The following CNTNAP3 variants were observed in gnomAD, a reference collection of about 807,000 sequenced individuals.
CNTNAP3 encodes contactin-associated protein-like 3.
A neutral mutation model predicts 92.1 loss-of-function variants in CNTNAP3; 36 were observed. The observed-to-expected ratio is 0.39, with a 90% CI of 0.30 to 0.52. The LOEUF is 0.52. CNTNAP3 is among the 20% of genes least tolerant of loss of function. The pLI is 0.76. For missense variants in CNTNAP3, 534 were observed against 1,069.6 expected (o/e 0.50, Z 6.98); for synonymous variants, 232 against 422.3 (o/e 0.55, Z 5.53).
chr9:39,088,104 T>C (rs922059339), intron 19 of CNTNAP3, among the ~76,000 whole-genome samples: 1 of 152,128 alleles, frequency 6.6e-6, no homozygotes, highest in African/African-American at 2.4e-5. Context: ...TATCTAGATA[T>C]CTTATTTCAA....
rs1439985524 is a variant in CNTNAP3 at position 39,065,790 on chromosome 9, T to A, written c.*8100A>T. Among the ~76,000 whole-genome samples, 2 of 152,326 alleles carry A rather than the reference T, an allele frequency of 1.3e-5. No homozygotes were observed. Among genetic ancestry groups the A allele is most frequent in the East Asian group, 3.9e-4 (2 of 5,192 alleles). ...TTTTCGTCATTTTTTCTTATATTCA[T>A]TATTTTCATTTTATTTTTGCTAATT... On this transcript the variant is annotated 3_prime_UTR_variant, in exon 24 of 24. Transcript: ENST00000297668.
At chr9:39,074,976 G>C (rs1214816503) in intron 23 of CNTNAP3, among the ~76,000 whole-genome samples, 1 of 152,220 alleles carries the variant, frequency 6.6e-6, no homozygotes, top group Non-Finnish European at 1.5e-5. Context: ...CACCGTGTTA[G>C]CTAGGATGGT....
At chr9:39,099,163 CCAGGCTGGT>C (rs1826393426) in intron 18 of CNTNAP3, among the ~76,000 whole-genome samples, 1 of 152,020 alleles carries the variant, frequency 6.6e-6, no homozygotes, top group Admixed American at 6.6e-5. Context: ...ACCATGTTGG[CCAGGCTGGT>C]CTTGAATTCC....
chr9:39,148,921 T>A (rs941671064), intron 10 of CNTNAP3, among the ~76,000 whole-genome samples: 2 of 152,178 alleles, frequency 1.3e-5, no homozygotes, highest in African/African-American at 4.8e-5. Flanking sequence ...AGAAATATTA[T>A]TTTTCCAGGT....
rs1822209280 is a variant in CNTNAP3 at position 39,168,281 on chromosome 9, T to A, written c.1334-2205A>T. On this transcript the variant is annotated intron_variant, in intron 8 of 23. Transcript: ENST00000297668. ...ATCTGCATGCCTTGGCCTCCCAAAC[T>A]GCTGGGATTACAGGCGTGAGCCACC... Among the ~76,000 whole-genome samples the A allele has an allele frequency of 1.3e-5, 2 of 150,484 alleles. 1 individual carries two copies. The highest frequency in any genetic ancestry group is 3.0e-5 in the Non-Finnish European group (2 of 67,210).
At chr9:39,104,775 G>A (rs1302356965) in intron 15 of CNTNAP3, among the ~76,000 whole-genome samples, 1 of 152,006 alleles carries the variant, frequency 6.6e-6, no homozygotes, top group Non-Finnish European at 1.5e-5. Context: ...GATTCATGTT[G>A]TGCATTTTTG....
Position 39,069,098 on chromosome 9 carries a change from T to G in CNTNAP3, c.*4792A>C, listed in dbSNP as rs1395859659. The stretch of plus-strand genomic sequence containing the variant: ...AACAAGAAGTAAATTTAGCTATCAA[T>G]TATGTTTACTCACTGCAGATTAAGA... On this transcript the variant is annotated 3_prime_UTR_variant, in exon 24 of 24. Transcript: ENST00000297668. Among the ~76,000 whole-genome samples the G allele has an allele frequency of 1.3e-5, 2 of 152,240 alleles. No individual in the cohort carries two copies. The highest frequency in any genetic ancestry group is 2.9e-5 in the Non-Finnish European group (2 of 68,038).
At position 39,118,104 on chromosome 9, in the gene CNTNAP3, A is replaced by C. The variant is rs1383037695; in HGVS notation, c.2236T>G (p.Trp746Gly). The C allele has an allele frequency of 6.2e-7, 1 of 1,604,394 alleles. No individual in the cohort carries two copies. Residue 746 changes from tryptophan to glycine, a missense_variant and splice_region_variant, in exon 14 of 24, where the codon TGG becomes GGG. Physicochemically the swap from Trp to Gly is radical, Grantham distance 184. Transcript: ENST00000297668. ...YCNCDAGRNE[W>G]TSDTIVLSQK... The stretch of plus-strand genomic sequence containing the variant: ...GCAGGGAAATCATGTGGAAATCACC[A>C]TTCATTCCGGCCAGCATCACAGTTG...
At chr9:39,179,272 A>ATT (rs1479053923) in intron 4 of CNTNAP3, among the ~76,000 whole-genome samples, 1 of 68,212 alleles carries the variant, frequency 1.5e-5, no homozygotes, top group African/African-American at 6.8e-5. Flanking sequence ...ATTCCTTAAA[A>ATT]CTCTCTCTCT....
chr9:39,135,184 T>C (rs2872989), intron 12 of CNTNAP3, among the ~76,000 whole-genome samples: 2 of 152,234 alleles, frequency 1.3e-5, no homozygotes, highest in Non-Finnish European at 2.9e-5. Context: ...TGTGGTTTCC[T>C]TAATTGCTCA....
At chr9:39,085,000 A>G (rs1231576820) in intron 21 of CNTNAP3, 1 of 147,290 alleles carries the variant, frequency 6.8e-6, no homozygotes, top group African/African-American at 2.5e-5. Context: ...GAAGGAAACA[A>G]AGATGTATAT....
chr9:39,130,561 G>A (rs996271229), intron 13 of CNTNAP3, among the ~76,000 whole-genome samples: 3 of 144,970 alleles, frequency 2.1e-5, no homozygotes, highest in Non-Finnish European at 3.0e-5. Context: ...CTGGAGTGCA[G>A]TGGCGCCATC....
chr9:39,136,388 A>T lies in CNTNAP3; in HGVS notation c.1877-3253T>A, dbSNP rs534737994. ...TCTGTTGTCAGGAGCATACATATTA[A>T]GGTTATCTCTTTTAGAGAACTGACC... On this transcript the variant is annotated intron_variant, in intron 12 of 23. Coordinates refer to ENST00000297668, the MANE Select transcript of CNTNAP3 (RefSeq NM_033655.5). Among the ~76,000 whole-genome samples the T allele has an allele frequency of 1.2e-4, 18 of 152,210 alleles. 1 individual carries two copies. In the South Asian group the frequency reaches 2.5e-3, roughly 21 times the overall value.
chr9:39,145,969 A>T lies in CNTNAP3; in HGVS notation c.1650-1623T>A, dbSNP rs1241413978. On this transcript the variant is annotated intron_variant, in intron 10 of 23. Coordinates refer to ENST00000297668, the MANE Select transcript of CNTNAP3 (RefSeq NM_033655.5). ...CATCTTAAGATCATACCTGACTTGAAGATTCCACAAATTTTAAAAAACATT... is the reference window on the plus strand; with the variant it reads ...CATCTTAAGATCATACCTGACTTGATGATTCCACAAATTTTAAAAAACATT... Among the ~76,000 whole-genome samples the T allele has an allele frequency of 1.3e-5, 2 of 148,580 alleles. 1 individual carries two copies. Among genetic ancestry groups the T allele is most frequent in the Non-Finnish European group, 3.0e-5 (2 of 67,034 alleles).
In CNTNAP3 at chr9:39,083,591, G is replaced by A. The variant is rs575796852; in HGVS notation, c.3442+2145C>T. ...GGAGAATCGTGTGAACCTGGGAGGCGGAGGTTGCAGTGAGCCGAGATTGCG... is the reference window on the plus strand; with the variant it reads ...GGAGAATCGTGTGAACCTGGGAGGCAGAGGTTGCAGTGAGCCGAGATTGCG... On this transcript the variant is annotated intron_variant, in intron 21 of 23. Coordinates refer to ENST00000297668, the MANE Select transcript of CNTNAP3 (RefSeq NM_033655.5). Among the ~76,000 whole-genome samples the A allele has an allele frequency of 2.1e-4, 31 of 149,982 alleles. No homozygotes were observed. In the East Asian group the frequency reaches 5.0e-3, roughly 24 times the overall value.
chr9:39,137,657 C>T lies in CNTNAP3; in HGVS notation c.1876+2862G>A, dbSNP rs185417887. Reference sequence around the variant, plus strand: ...CCTCCCGAGTAGCTGGGACTACAGGCACCCGCCACTATGCCCAGCTAATTT... The same window carrying T: ...CCTCCCGAGTAGCTGGGACTACAGGTACCCGCCACTATGCCCAGCTAATTT... On this transcript the variant is annotated intron_variant, in intron 12 of 23. Transcript: ENST00000297668. Among the ~76,000 whole-genome samples, 17 of 150,382 alleles carry T rather than the reference C, an allele frequency of 1.1e-4. No homozygotes were observed. The East Asian group carries it at 2.6e-3, about 23-fold the overall frequency.
rs1221887313 is a variant in CNTNAP3 at position 39,114,332 on chromosome 9, G to A, written c.2237+3771C>T. 3.3e-5 allele frequency among the ~76,000 whole-genome samples: 5 copies of A among 152,000 alleles called. No individual in the cohort carries two copies. In the East Asian group the frequency reaches 5.8e-4, roughly 18 times the overall value. On this transcript the variant is annotated intron_variant, in intron 14 of 23. Coordinates refer to ENST00000297668, the MANE Select transcript of CNTNAP3 (RefSeq NM_033655.5). The stretch of plus-strand genomic sequence containing the variant: ...GATCTTCTGACCTCGTGATCTGCCC[G>A]CCTCAGCCTCCCAAAGTGCTGGGAT...
chr9:39,271,905 G>C lies in CNTNAP3; in HGVS notation c.86-4899C>G, dbSNP rs1308321296. Reference sequence around the variant, plus strand: ...AAGACACAACACAAATGAAGACCTAGAGGAAAGTTTACATAGTTTTTTTTT... The same window carrying C: ...AAGACACAACACAAATGAAGACCTACAGGAAAGTTTACATAGTTTTTTTTT... On this transcript the variant is annotated intron_variant, in intron 1 of 23. Coordinates refer to ENST00000297668, the MANE Select transcript of CNTNAP3 (RefSeq NM_033655.5). 1.0e-4 allele frequency among the ~76,000 whole-genome samples: 2 copies of C among 19,358 alleles called. 1 individual carries two copies. Among genetic ancestry groups the C allele is most frequent in the African/African-American group, 2.4e-4 (2 of 8,270 alleles). The allele number at this position is 19,358 out of a possible 152,430, so 12.7% of individuals were successfully genotyped here. A position where few individuals can be genotyped will look rare whatever the true frequency, so the allele number is the denominator to read the frequency against.
At chr9:39,170,521 CA>C (rs1822238661) in intron 8 of CNTNAP3, among the ~76,000 whole-genome samples, 1 of 67,022 alleles carries the variant, frequency 1.5e-5, no homozygotes, top group Non-Finnish European at 2.4e-5. Flanking sequence ...CCAAAATCAT[CA>C]AAATCCAGCA....
Sources: allele counts gnomAD v4.1 joint callset (sites outside exome capture counted in the v4.1 genomes callset), GRCh38; gene constraint gnomAD v4.1.1; transcripts MANE v1.5; gene names NCBI Gene and HGNC (gene_info 2026-07-23, HGNC 2026-07-21).